CNTN4: variants seen among roughly 807,000 people sequenced by gnomAD.
CNTN4 encodes the protein contactin 4, also known as contactin-4.
A neutral mutation model predicts 122.5 loss-of-function variants in CNTN4; 77 were observed. The ratio of observed to expected loss-of-function variants is 0.63; its 90% CI spans 0.52 to 0.76. The LOEUF (loss-of-function observed/expected upper bound fraction) is 0.76. Among genes scored for constraint, CNTN4 ranks in the 30% least tolerant of loss-of-function variants. The probability of loss-of-function intolerance (pLI) is 0.00; values close to 1 mark genes in which losing one functional copy is unlikely to be tolerated. For synonymous variants in CNTN4, 512 were observed against 447.0 expected (o/e 1.15, Z -1.83); for missense variants, 1,256 against 1,259.1 (o/e 1.00, Z 0.04).
intron 10 of CNTN4, chr3:2,892,142 C>G (rs913174861): frequency 1.3e-5 from 2 of 152,178 alleles, no homozygotes; most frequent in African/African-American, 4.8e-5. Context: ...GAATGCTTTG[C>G]TAGAGGTTCT....
intron 13 of CNTN4, among the ~76,000 whole-genome samples, chr3:2,982,352 C>T (rs1694106640): frequency 6.6e-6 from 1 of 152,178 alleles, no homozygotes; most frequent in African/African-American, 2.4e-5. Context: ...TTGCACTCTT[C>T]CTGTTGTCAG....
At chr3:3,006,593 C>A (rs1299866920) in intron 14 of CNTN4, among the ~76,000 whole-genome samples, 1 of 152,144 alleles carries the variant, frequency 6.6e-6, no homozygotes, top group Non-Finnish European at 1.5e-5. Flanking sequence ...ACCTTATTGT[C>A]TCACAGAGGA....
At chr3:2,922,051 T>C (rs143725749) in intron 12 of CNTN4, among the ~76,000 whole-genome samples, 180 of 152,306 alleles carry the variant, frequency 1.2e-3, no homozygotes, top group African/African-American at 4.2e-3. Flanking sequence ...GAGGGAGTGG[T>C]GCCCTCTAGC....
At chr3:2,330,631 G>A (rs1353704348) in intron 2 of CNTN4, among the ~76,000 whole-genome samples, 2 of 152,122 alleles carry the variant, frequency 1.3e-5, no homozygotes, top group Non-Finnish European at 2.9e-5. Flanking sequence ...ATAAGACACA[G>A]AGAATCTAAG....
At chr3:2,704,921 G>A (rs751021417) in intron 4 of CNTN4, among the ~76,000 whole-genome samples, 12 of 152,040 alleles carry the variant, frequency 7.9e-5, no homozygotes, top group Non-Finnish European at 1.2e-4. Context: ...TAAACACTGC[G>A]TGAGTGATGA....
At chr3:2,659,436 T>G (rs2083763078) in intron 4 of CNTN4, among the ~76,000 whole-genome samples, 1 of 125,112 alleles carries the variant, frequency 8.0e-6, no homozygotes, top group African/African-American at 3.2e-5. Context: ...CACTTCACCC[T>G]GGGTGACAGA....
chr3:2,879,252 A>G (rs2093880114), intron 8 of CNTN4, among the ~76,000 whole-genome samples: 1 of 152,222 alleles, frequency 6.6e-6, no homozygotes, highest in African/African-American at 2.4e-5. Flanking sequence ...TGACATGACT[A>G]TAAGCCAATG....
chr3:2,369,491 C>T (rs2045545814), intron 3 of CNTN4, among the ~76,000 whole-genome samples: 1 of 152,188 alleles, frequency 6.6e-6, no homozygotes, highest in Non-Finnish European at 1.5e-5. Flanking sequence ...GAAGCCTCAT[C>T]TGTACAAAGA....
chr3:2,691,614 CAAT>C (rs932181535), intron 4 of CNTN4, among the ~76,000 whole-genome samples: 14 of 152,084 alleles, frequency 9.2e-5, no homozygotes, highest in African/African-American at 2.9e-4. Context: ...AGTCCTTGCA[CAAT>C]AATATTTCAT....
At chr3:2,166,213 C>T (rs1343052506) in intron 2 of CNTN4, among the ~76,000 whole-genome samples, 3 of 152,252 alleles carry the variant, frequency 2.0e-5, no homozygotes, top group East Asian at 1.9e-4. Flanking sequence ...GTTTTCACCA[C>T]ATCCTTGCTC....
chr3:2,934,613 C>G (rs957192150), intron 13 of CNTN4, among the ~76,000 whole-genome samples: 7 of 152,236 alleles, frequency 4.6e-5, no homozygotes, highest in African/African-American at 1.7e-4. Flanking sequence ...CATTCTGTCT[C>G]TGTTCTGGAG....
rs148698981 is a variant in CNTN4 at position 2,439,595 on chromosome 3, T to C, written c.-89+100362T>C. Among the ~76,000 whole-genome samples the C allele has an allele frequency of 3.6e-3, 547 of 152,210 alleles. 4 individuals are homozygous for C. Among genetic ancestry groups the C allele is most frequent in the South Asian group, 0.012 (58 of 4,828 alleles). ...GCTTGAATTGTGGTCATCTGAAGTA[T>C]CTGTGTTCCTCTCTCTTTCTGTCTC... On this transcript the variant is annotated intron_variant, in intron 3 of 24. Coordinates refer to ENST00000418658, the MANE Select transcript of CNTN4 (RefSeq NM_175607.3).
chr3:2,816,115 G>A (rs1246962796), intron 6 of CNTN4, among the ~76,000 whole-genome samples: 1 of 152,074 alleles, frequency 6.6e-6, no homozygotes, highest in African/African-American at 2.4e-5. Flanking sequence ...GGCACTTTGG[G>A]AGGCCAAGGC....
At chr3:3,052,850 C>T (rs1701399436) in intron 23 of CNTN4, among the ~76,000 whole-genome samples, 1 of 152,184 alleles carries the variant, frequency 6.6e-6, no homozygotes, top group African/African-American at 2.4e-5. Context: ...TCTTGCCTTT[C>T]CGATATCTTC....
chr3:2,833,926 G>C (rs1305756161), intron 7 of CNTN4, among the ~76,000 whole-genome samples: 1 of 152,072 alleles, frequency 6.6e-6, no homozygotes, highest in East Asian at 1.9e-4. Flanking sequence ...GATCACTTGA[G>C]GTCAGGAAAT....
chr3:2,451,041 A>G (rs540702781), intron 3 of CNTN4, among the ~76,000 whole-genome samples: 89 of 152,304 alleles, frequency 5.8e-4, no homozygotes, highest in African/African-American at 1.9e-3. Context: ...AGGTGGGAAG[A>G]CTACTCAATT....
chr3:2,845,219 G>A (rs2093434427), intron 7 of CNTN4, among the ~76,000 whole-genome samples: 2 of 152,006 alleles, frequency 1.3e-5, no homozygotes, highest in African/African-American at 2.4e-5. Flanking sequence ...TCATACTCTA[G>A]TATAATTCTG....
chr3:2,693,509 T>A (rs2085853787), intron 4 of CNTN4, among the ~76,000 whole-genome samples: 1 of 152,148 alleles, frequency 6.6e-6, no homozygotes, highest in Non-Finnish European at 1.5e-5. Flanking sequence ...AATTTCAATT[T>A]TCAATATGTT....
chr3:2,322,084 C>T (rs1425251385), intron 2 of CNTN4, among the ~76,000 whole-genome samples: 1 of 152,086 alleles, frequency 6.6e-6, no homozygotes, highest in Non-Finnish European at 1.5e-5. Flanking sequence ...CTACTTATGC[C>T]ACAAGGTCAC....
Sources: allele counts gnomAD v4.1 joint callset (sites outside exome capture counted in the v4.1 genomes callset), GRCh38; gene constraint gnomAD v4.1.1; transcripts MANE v1.5; gene names NCBI Gene and HGNC (gene_info 2026-07-23, HGNC 2026-07-21).